The following MTMR9 variants were observed in gnomAD, a reference collection of about 807,000 sequenced individuals.
The protein encoded by MTMR9 is myotubularin-related protein 9.
Under a neutral mutation model 69.5 loss-of-function variants are expected in MTMR9, and 39 were observed. The ratio of observed to expected loss-of-function variants is 0.56; its 90% CI spans 0.43 to 0.73. The LOEUF is 0.73. Among genes scored for constraint, MTMR9 ranks in the 30% least tolerant of loss-of-function variants. The probability of loss-of-function intolerance (pLI) is 0.00; values close to 1 mark genes in which losing one functional copy is unlikely to be tolerated. For missense variants in MTMR9, 900 were observed against 671.2 expected, an observed-to-expected ratio of 1.34 and a Z score of -3.77; for synonymous variants, 354 against 240.8, an observed-to-expected ratio of 1.47 and a Z score of -4.35.
intron 3 of MTMR9, among the ~76,000 whole-genome samples, chr8:11,301,165 G>A (rs760703971): frequency 6.6e-5 from 10 of 152,020 alleles, no homozygotes; most frequent in Non-Finnish European, 1.0e-4. Context: ...TTGTAGAAAT[G>A]GACAAAATGA....
Position 11,309,914 on chromosome 8 carries a change from C to G in MTMR9, c.971+226C>G, listed in dbSNP as rs552285485. Among the ~76,000 whole-genome samples, 4 of 151,908 alleles carry G rather than the reference C, an allele frequency of 2.6e-5. No individual in the cohort carries two copies. The East Asian group carries it at 7.7e-4, about 29-fold the overall frequency. ...AGGTAAATATACATGTCTTCTATGA[C>G]ACAAATTTTTAAGTACTAATGGACC... On this transcript the variant is annotated intron_variant, in intron 6 of 9. Transcript: ENST00000221086.
In MTMR9 at chr8:11,304,978, C is replaced by G; in HGVS notation, c.555C>G (p.Phe185Leu). 6.2e-7 allele frequency: 1 copy of G among 1,614,058 alleles called. No homozygotes were observed. The highest frequency in any genetic ancestry group is 8.5e-7 in the Non-Finnish European group (1 of 1,179,970). The change falls in exon 4 of 10, where the codon TTC becomes TTG. Residue 185 changes from phenylalanine to leucine, a missense_variant. Transcript: ENST00000221086. ...CTACATTTCGACATGGAGGGCGCTT[C>G]CCAGTACTAAGCTATTACCACAAAA... The part of the protein sequence containing the change: ...KVATFRHGGR[F>L]PVLSYYHKKN...
Position 11,323,564 on chromosome 8 carries a change from C to T in MTMR9, c.*776C>T, listed in dbSNP as rs1016737181. 1 of 152,152 alleles carries T rather than the reference C, an allele frequency of 6.6e-6. No homozygotes were observed. Among genetic ancestry groups the T allele is most frequent in the African/African-American group, 2.4e-5 (1 of 41,450 alleles). 9.4% of individuals were successfully genotyped at this position (152,152 alleles called of 1,614,324 possible). A position where few individuals can be genotyped will look rare whatever the true frequency, so the allele number is the denominator to read the frequency against. On this transcript the variant is annotated 3_prime_UTR_variant, in exon 10 of 10. Coordinates refer to ENST00000221086, the MANE Select transcript of MTMR9 (RefSeq NM_015458.4). ...TTTTCAGGTTTTGAGCATACATATA[C>T]AATGTGTTTCAAATGCTGCTTGTAA...
intron 6 of MTMR9, among the ~76,000 whole-genome samples, chr8:11,313,238 C>T (rs995057428): frequency 2.6e-5 from 4 of 152,234 alleles, no homozygotes; most frequent in African/African-American, 4.8e-5. Context: ...TTACTTCTCT[C>T]AGCCTTCATA....
chr8:11,331,411 G>C (rs760505655), downstream of MTMR9: 2 of 1,613,946 alleles, frequency 1.2e-6, no homozygotes, highest in Non-Finnish European at 1.7e-6. Context: ...GACATCCGAG[G>C]CTGGGCCTGC....
chr8:11,317,890 G>T (rs1444561087), intron 8 of MTMR9: 1 of 152,214 alleles, frequency 6.6e-6, no homozygotes, highest in Non-Finnish European at 1.5e-5. Flanking sequence ...CTTAGCCCTG[G>T]ACTGTACTCT....
In MTMR9 at chr8:11,302,250, C is replaced by A. The variant is rs1234241914; in HGVS notation, c.417+2102C>A. Among the ~76,000 whole-genome samples, 5 of 51,670 alleles carry A rather than the reference C, an allele frequency of 9.7e-5. No individual in the cohort carries two copies. The Admixed American group carries it at 1.2e-3, about 12-fold the overall frequency. 33.9% of individuals were successfully genotyped at this position (51,670 alleles called of 152,430 possible). ...CCTGGGTGAGAGAGCAAGACCCTGT[C>A]TCCAAAAAAAAAAAAAAAAAAAAAG... On this transcript the variant is annotated intron_variant, in intron 3 of 9. Transcript: ENST00000221086.
chr8:11,305,875 T>C (rs1181159742), intron 4 of MTMR9, among the ~76,000 whole-genome samples: 2 of 152,208 alleles, frequency 1.3e-5, no homozygotes, highest in Non-Finnish European at 2.9e-5. Flanking sequence ...ATTATTGTCT[T>C]TATTACAGGT....
intron 1 of MTMR9, among the ~76,000 whole-genome samples, chr8:11,290,091 G>T (rs900777148): frequency 6.6e-6 from 1 of 152,088 alleles, no homozygotes; most frequent in African/African-American, 2.4e-5. Context: ...GCAGGAGAGG[G>T]TACCTCGTCT....
At chr8:11,320,001 A>C in intron 9 of MTMR9, 163 bp downstream of exon 9, 1 of 579,420 alleles carries the variant, frequency 1.7e-6, no homozygotes. Flanking sequence ...CTTTCAAATC[A>C]GTTATCTAGC....
chr8:11,295,115 T>G (rs553403177), intron 1 of MTMR9, 79 bp from the exon 2 acceptor site: 2 of 773,500 alleles, frequency 2.6e-6, no homozygotes, highest in Admixed American at 2.4e-5. Context: ...TACAACTATA[T>G]TCTCTTTTCA....
At chr8:11,314,563 A>G (rs1377406996) in intron 6 of MTMR9, among the ~76,000 whole-genome samples, 4 of 152,196 alleles carry the variant, frequency 2.6e-5, no homozygotes, top group African/African-American at 9.7e-5. Flanking sequence ...ACCAACGATT[A>G]AAGCAGAAAG....
intron 2 of MTMR9, among the ~76,000 whole-genome samples, chr8:11,298,433 C>G (rs868444234): frequency 4.1e-4 from 63 of 151,824 alleles, no homozygotes; most frequent in African/African-American, 1.1e-3. Context: ...CCATGCTTCT[C>G]TATATTTTGT....
chr8:11,285,531 A>G (rs1413282358), intron 1 of MTMR9, among the ~76,000 whole-genome samples: 1 of 152,122 alleles, frequency 6.6e-6, no homozygotes, highest in Non-Finnish European at 1.5e-5. Flanking sequence ...TTAATTTCTG[A>G]AAAATGTTCA....
At chr8:11,337,369 C>A in the MTMR9 span, among the ~76,000 whole-genome samples, 1 of 152,244 alleles carries the variant, frequency 6.6e-6, no homozygotes, top group African/African-American at 2.4e-5. Context: ...GCAGCAACTT[C>A]TCTTTCACCT....
chr8:11,315,026 C>A lies in MTMR9; in HGVS notation c.1075C>A (p.Arg359Ser), dbSNP rs141801830. ...IILEPRSRTI[R>S]GFEALIEREW... ...CTTAGAGCCAAGAAGCAGGACCATT[C>A]GTGGTTTTGAGGCCCTGATTGAAAG... Residue 359 changes from arginine to serine, a missense_variant, in exon 7 of 10, where the codon CGT (arginine) becomes AGT (serine). Coordinates refer to ENST00000221086, the MANE Select transcript of MTMR9 (RefSeq NM_015458.4). 61 of 1,613,778 alleles carry A rather than the reference C, an allele frequency of 3.8e-5. No homozygotes were observed. The East Asian group carries it at 3.8e-4, about 10-fold the overall frequency.
chr8:11,327,024 T>C lies in MTMR9; in HGVS notation c.*4236T>C, dbSNP rs1464498610. ...TCCATTTACATTTATTCTCAGATGA[T>C]AAAATATATACTGATACTATAACTT... On this transcript the variant is annotated 3_prime_UTR_variant, in exon 10 of 10. Coordinates refer to ENST00000221086, the MANE Select transcript of MTMR9 (RefSeq NM_015458.4). 1.3e-5 allele frequency: 2 copies of C among 151,644 alleles called. No homozygotes were observed. Among genetic ancestry groups the C allele is most frequent in the Non-Finnish European group, 2.9e-5 (2 of 67,940 alleles). The allele number at this position is 151,644 out of a possible 1,614,324, so 9.4% of individuals were successfully genotyped here.
chr8:11,330,929 G>A (rs201997313), downstream of MTMR9: 60 of 352,078 alleles, frequency 1.7e-4, no homozygotes, highest in Non-Finnish European at 2.1e-4. Context: ...AAAAAAAAAA[G>A]AAAGAAAGAA....
At chr8:11,322,431 T>C (rs1364845427) in intron 9 of MTMR9, among the ~76,000 whole-genome samples, 194 bp from the exon 10 acceptor site, 2 of 152,228 alleles carry the variant, frequency 1.3e-5, no homozygotes, top group Non-Finnish European at 2.9e-5. Context: ...TTCTCAAATA[T>C]TGTATTCAAT....
Sources: gnomAD v4.1 joint callset for allele counts (sites outside exome capture counted in the v4.1 genomes callset) on GRCh38, gnomAD v4.1.1 for gene constraint, MANE v1.5 for transcripts, NCBI Gene and HGNC (gene_info 2026-07-23, HGNC 2026-07-21) for gene names.